The following EPHA3 variants were observed in gnomAD, a reference collection of about 807,000 sequenced individuals.
EPHA3 encodes ephrin type-A receptor 3.
EPHA3 carries 42 observed loss-of-function variants against 107.1 expected under a neutral mutation model. The observed-to-expected ratio is 0.39, with a 90% CI of 0.31 to 0.51. The LOEUF is 0.51. EPHA3 is among the 20% of genes least tolerant of loss of function. EPHA3 has a pLI of 0.78. For synonymous variants in EPHA3, 461 were observed against 424.8 expected (o/e 1.09, Z -1.05); for missense variants, 1,183 against 1,211.2 (o/e 0.98, Z 0.35).
intron 3 of EPHA3, among the ~76,000 whole-genome samples, chr3:89,223,653 A>G (rs1704435038): frequency 6.6e-6 from 1 of 152,166 alleles, no homozygotes; most frequent in African/African-American, 2.4e-5. Context: ...TTCCTACAAA[A>G]TAATTAAGAT....
chr3:89,178,575 A>C (rs1274023853), intron 2 of EPHA3, among the ~76,000 whole-genome samples: 1 of 152,040 alleles, frequency 6.6e-6, no homozygotes, highest in Non-Finnish European at 1.5e-5. Flanking sequence ...TACACTATCT[A>C]TGAAGTTTGT....
At chr3:89,259,210 C>G (rs1009853289) in intron 3 of EPHA3, among the ~76,000 whole-genome samples, 2 of 152,136 alleles carry the variant, frequency 1.3e-5, no homozygotes, top group Non-Finnish European at 2.9e-5. Flanking sequence ...TTGCTACTCT[C>G]AAGCTCACCA....
At chr3:89,173,823 A>G (rs1371714001) in intron 2 of EPHA3, among the ~76,000 whole-genome samples, 1 of 152,018 alleles carries the variant, frequency 6.6e-6, no homozygotes, top group Non-Finnish European at 1.5e-5. Flanking sequence ...AAAATAACAT[A>G]CTGTCACATT....
intron 2 of EPHA3, among the ~76,000 whole-genome samples, chr3:89,142,817 A>G (rs1576180049): frequency 6.6e-6 from 1 of 151,566 alleles, no homozygotes. Flanking sequence ...TGAGCCATCA[A>G]ATCTTTCAAT....
chr3:89,236,069 A>G (rs1559613199), intron 3 of EPHA3, among the ~76,000 whole-genome samples: 1 of 152,032 alleles, frequency 6.6e-6, no homozygotes, highest in East Asian at 1.9e-4. Context: ...GAATATATAC[A>G]TTTGTTTATT....
intron 13 of EPHA3, among the ~76,000 whole-genome samples, chr3:89,437,609 A>C (rs890598388): frequency 3.9e-5 from 6 of 152,140 alleles, no homozygotes; most frequent in Non-Finnish European, 8.8e-5. Flanking sequence ...TGCTTCTATG[A>C]AATTTTATCT....
intron 2 of EPHA3, among the ~76,000 whole-genome samples, chr3:89,134,585 T>C (rs148431669): frequency 0.011 from 1,726 of 152,288 alleles, 21 homozygotes; most frequent in African/African-American, 0.038. Flanking sequence ...CCATGGTGTA[T>C]ATGTGCCACA....
At chr3:89,212,290 G>A (rs915636124) in intron 3 of EPHA3, among the ~76,000 whole-genome samples, 6 of 151,756 alleles carry the variant, frequency 4.0e-5, no homozygotes, top group Admixed American at 6.6e-5. Context: ...CATGTTTCTG[G>A]GATCTGGGCA....
At chr3:89,243,718 C>T (rs1704965589) in intron 3 of EPHA3, among the ~76,000 whole-genome samples, 1 of 152,118 alleles carries the variant, frequency 6.6e-6, no homozygotes, top group South Asian at 2.1e-4. Context: ...GTTGCGTGTT[C>T]ACTCTGAGAG....
intron 3 of EPHA3, among the ~76,000 whole-genome samples, chr3:89,252,782 C>T (rs1171606160): frequency 2.6e-5 from 4 of 151,494 alleles, no homozygotes; most frequent in Non-Finnish European, 5.9e-5. Context: ...GAGATGTCAA[C>T]ATCAGATACA....
intron 5 of EPHA3, among the ~76,000 whole-genome samples, chr3:89,393,569 C>T (rs75106874): frequency 0.015 from 2,349 of 152,066 alleles, 44 homozygotes; most frequent in African/African-American, 0.053. Context: ...AATGTAGGAC[C>T]TCATGTGTTC....
intron 5 of EPHA3, among the ~76,000 whole-genome samples, chr3:89,371,815 G>A (rs533825357): frequency 1.3e-4 from 20 of 151,510 alleles, no homozygotes; most frequent in African/African-American, 4.8e-4. Context: ...TTTATTATAT[G>A]GAAATCTTTC....
intron 3 of EPHA3, among the ~76,000 whole-genome samples, chr3:89,308,719 G>A (rs2107357601): frequency 6.6e-6 from 1 of 152,108 alleles, no homozygotes; most frequent in African/African-American, 2.4e-5. Context: ...GTTATAGTCA[G>A]TATAAGTGGG....
chr3:89,452,447 C>G (rs1710012328), intron 15 of EPHA3, among the ~76,000 whole-genome samples: 1 of 152,142 alleles, frequency 6.6e-6, no homozygotes, highest in African/African-American at 2.4e-5. Context: ...TCTCTAATGA[C>G]TAGCGATGTT....
chr3:89,348,093 C>G (rs945723484), intron 5 of EPHA3, among the ~76,000 whole-genome samples: 12 of 148,792 alleles, frequency 8.1e-5, no homozygotes, highest in African/African-American at 2.7e-4. Flanking sequence ...GGTTGTATCT[C>G]TGCCCGGCTT....
At chr3:89,295,402 A>G (rs1353737344) in intron 3 of EPHA3, among the ~76,000 whole-genome samples, 13 of 151,432 alleles carry the variant, frequency 8.6e-5, no homozygotes, top group Admixed American at 7.9e-4. Flanking sequence ...AGCTGTGGCA[A>G]TTTCTCAAAA....
intron 3 of EPHA3, among the ~76,000 whole-genome samples, chr3:89,255,002 G>A (rs1367086726): frequency 6.6e-6 from 1 of 152,132 alleles, no homozygotes; most frequent in South Asian, 2.1e-4. Context: ...AATGCTTTCT[G>A]AGATTCAAAC....
At chr3:89,426,631 A>G (rs1709463456) in intron 11 of EPHA3, among the ~76,000 whole-genome samples, 1 of 151,834 alleles carries the variant, frequency 6.6e-6, no homozygotes, top group South Asian at 2.1e-4. Context: ...AGACATGCTA[A>G]TGAGAAATGG....
intron 3 of EPHA3, among the ~76,000 whole-genome samples, chr3:89,306,830 T>A (rs1706634708): frequency 6.6e-6 from 1 of 152,206 alleles, no homozygotes; most frequent in African/African-American, 2.4e-5. Context: ...GTGAAGTGGA[T>A]ACTTGCCAAC....
Sources: allele counts gnomAD v4.1 joint callset (sites outside exome capture counted in the v4.1 genomes callset), GRCh38; gene constraint gnomAD v4.1.1; transcripts MANE v1.5; gene names NCBI Gene and HGNC (gene_info 2026-07-23, HGNC 2026-07-21).